The following LRMDA variants were observed in gnomAD, a reference collection of about 807,000 sequenced individuals.
LRMDA encodes the protein leucine rich melanocyte differentiation associated, also known as leucine-rich melanocyte differentiation-associated protein.
LRMDA carries 18 observed loss-of-function variants against 29.8 expected under a neutral mutation model. That is an observed-to-expected ratio of 0.60 (90% confidence interval 0.42 to 0.90). LRMDA has a LOEUF of 0.90. LRMDA is among the 40% of genes least tolerant of loss of function. The probability of loss-of-function intolerance (pLI) is 0.00; values close to 1 mark genes in which losing one functional copy is unlikely to be tolerated. For synonymous variants in LRMDA, 125 were observed against 109.4 expected (o/e 1.14, Z -0.89); for missense variants, 273 against 273.9 (o/e 1.00, Z 0.02).
chr10:75,700,422 A>C (rs990599145), intron 2 of LRMDA, among the ~76,000 whole-genome samples: 1 of 149,356 alleles, frequency 6.7e-6, no homozygotes, highest in Non-Finnish European at 1.5e-5. Flanking sequence ...TAAAATCTTT[A>C]TTTCCTTTCT....
At chr10:75,885,086 G>A (rs1462737317) in intron 2 of LRMDA, among the ~76,000 whole-genome samples, 1 of 152,086 alleles carries the variant, frequency 6.6e-6, no homozygotes, top group Non-Finnish European at 1.5e-5. Context: ...CAGTTCAGGA[G>A]GCTGGGGGAT....
chr10:75,621,208 A>C (rs1189689881), intron 2 of LRMDA, among the ~76,000 whole-genome samples: 1 of 118,822 alleles, frequency 8.4e-6, no homozygotes, highest in Admixed American at 9.3e-5. Flanking sequence ...TTACACACAC[A>C]CACACACACA....
intron 2 of LRMDA, among the ~76,000 whole-genome samples, chr10:75,495,918 A>G (rs1294569020): frequency 2.0e-5 from 3 of 152,188 alleles, no homozygotes; most frequent in African/African-American, 4.8e-5. Flanking sequence ...TTGAGGCAGG[A>G]TGATGTTGCA....
intron 5 of LRMDA, among the ~76,000 whole-genome samples, chr10:76,320,520 A>G (rs970341413): frequency 7.2e-5 from 11 of 152,182 alleles, no homozygotes; most frequent in African/African-American, 2.7e-4. Context: ...TTATACAAGT[A>G]CTAGAGAATT....
chr10:75,963,884 A>AGCAAATAT (rs1846811669), intron 2 of LRMDA, among the ~76,000 whole-genome samples: 1 of 152,218 alleles, frequency 6.6e-6, no homozygotes, highest in Non-Finnish European at 1.5e-5. Context: ...CTGCTTACAG[A>AGCAAATAT]GCAAATATGC....
At chr10:76,093,697 C>T (rs1849269628) in intron 5 of LRMDA, among the ~76,000 whole-genome samples, 1 of 152,114 alleles carries the variant, frequency 6.6e-6, no homozygotes, top group South Asian at 2.1e-4. Flanking sequence ...GGCTTTGTCC[C>T]CTGCTGCTGC....
intron 6 of LRMDA, among the ~76,000 whole-genome samples, chr10:76,345,867 G>T (rs909265995): frequency 3.9e-5 from 6 of 152,230 alleles, no homozygotes; most frequent in East Asian, 1.9e-4. Flanking sequence ...AAAATTATAT[G>T]TCTGTCAGGA....
At chr10:75,501,092 A>G (rs762621768) in intron 2 of LRMDA, among the ~76,000 whole-genome samples, 3 of 152,250 alleles carry the variant, frequency 2.0e-5, no homozygotes, top group Non-Finnish European at 4.4e-5. Context: ...TCTAGGCTTT[A>G]GCTACCACAA....
rs527967183 is a variant in LRMDA, at chr10:76,320,369, T to A, written c.517-4032T>A. On this transcript the variant is annotated intron_variant, in intron 5 of 6. Transcript: ENST00000611255. ...GATTTATAAGGCCAGAATGAGTGTT[T>A]CAAGCCTTGCGGGGGAAGGGGATAC... 1.9e-3 allele frequency among the ~76,000 whole-genome samples: 296 copies of A among 152,316 alleles called. 1 individual carries two copies. The highest frequency in any genetic ancestry group is 6.8e-3 in the Middle Eastern group (2 of 294).
intron 2 of LRMDA, among the ~76,000 whole-genome samples, chr10:75,618,442 A>C (rs961595727): frequency 6.9e-6 from 1 of 145,622 alleles, no homozygotes; most frequent in Non-Finnish European, 1.5e-5. Context: ...TATGTATACC[A>C]ACTATATATA....
chr10:76,316,200 C>A (rs1840696069), intron 5 of LRMDA, among the ~76,000 whole-genome samples: 1 of 152,206 alleles, frequency 6.6e-6, no homozygotes, highest in Admixed American at 6.5e-5. Context: ...CAAGTCAGGG[C>A]TGTGACGCCC....
At chr10:75,820,992 A>C (rs1445771389) in intron 2 of LRMDA, among the ~76,000 whole-genome samples, 1 of 152,208 alleles carries the variant, frequency 6.6e-6, no homozygotes, top group East Asian at 1.9e-4. Context: ...ACCAATAATG[A>C]GTAGTGAAAT....
intron 5 of LRMDA, among the ~76,000 whole-genome samples, chr10:76,061,541 G>A (rs2132057906): frequency 6.6e-6 from 1 of 152,266 alleles, no homozygotes; most frequent in South Asian, 2.1e-4. Context: ...AAAAATACCT[G>A]TTAATTATTT....
intron 6 of LRMDA, among the ~76,000 whole-genome samples, chr10:76,410,421 A>C (rs1253274066): frequency 7.1e-6 from 1 of 140,466 alleles, no homozygotes; most frequent in Non-Finnish European, 1.5e-5. Context: ...TGATCCTCCC[A>C]TCTCAGCATC....
At chr10:75,675,433 T>C (rs772283930) in intron 2 of LRMDA, among the ~76,000 whole-genome samples, 9 of 152,196 alleles carry the variant, frequency 5.9e-5, no homozygotes, top group Non-Finnish European at 1.0e-4. Context: ...GACCTGAGAC[T>C]TGACACAAGT....
chr10:76,277,311 A>G (rs1840148117), intron 5 of LRMDA, among the ~76,000 whole-genome samples: 1 of 152,166 alleles, frequency 6.6e-6, no homozygotes, highest in African/African-American at 2.4e-5. Context: ...TCCATAAGCC[A>G]CTGGCTTTTG....
At chr10:75,824,882 C>G (rs1043469720) in intron 2 of LRMDA, among the ~76,000 whole-genome samples, 1 of 152,194 alleles carries the variant, frequency 6.6e-6, no homozygotes, top group African/African-American at 2.4e-5. Flanking sequence ...AAGGTAGGGA[C>G]AAACATATGG....
intron 6 of LRMDA, among the ~76,000 whole-genome samples, chr10:76,342,485 G>A (rs1589144049): frequency 6.6e-6 from 1 of 151,842 alleles, no homozygotes; most frequent in South Asian, 2.1e-4. Context: ...AACAATATCA[G>A]CCTCATAAAT....
chr10:75,993,884 G>A (rs370489346), intron 2 of LRMDA, among the ~76,000 whole-genome samples: 1 of 152,160 alleles, frequency 6.6e-6, no homozygotes. Context: ...GTCTCCAGAT[G>A]CTTACTCTCC....
Sources: allele counts gnomAD v4.1 joint callset (sites outside exome capture counted in the v4.1 genomes callset), GRCh38; gene constraint gnomAD v4.1.1; transcripts MANE v1.5; gene names NCBI Gene and HGNC (gene_info 2026-07-23, HGNC 2026-07-21).